The following POTEC variants were observed in gnomAD, a reference collection of about 807,000 sequenced individuals.
The protein encoded by POTEC is ANKRD26-like family B member 2.
A neutral mutation model predicts 62.0 loss-of-function variants in POTEC; 35 were observed. The ratio of observed to expected loss-of-function variants is 0.56; its 90% CI spans 0.43 to 0.75. POTEC has a LOEUF of 0.75. Ranked by LOEUF, POTEC falls within the 30% of genes least tolerant of loss-of-function variation. The pLI, the probability that POTEC is intolerant of heterozygous loss-of-function variation, is 0.00. For missense variants in POTEC, 472 were observed against 655.9 expected (o/e 0.72, Z 3.06); for synonymous variants, 156 against 221.5 (o/e 0.70, Z 2.62).
rs572317458 is a variant in POTEC, at chr18:14,533,130, A to G, written c.986T>C (p.Val329Ala). Residue 329 changes from valine (V) to alanine (A), a missense_variant, in exon 5 of 11, where the codon GTT becomes GCT. By Grantham distance (64) the Val-to-Ala change is moderately conservative. Around this residue, in one of 5 missense-constraint regions of POTEC, gnomAD observed 83 missense variants for 254.3 expected, o/e 0.33. Transcript: ENST00000358970. Reference sequence around the variant, plus strand: ...AGATAGATCTTGAGAAGATACATCAACATTTTGCTCAAGGAGAAGATTGAC... The same window carrying G: ...AGATAGATCTTGAGAAGATACATCAGCATTTTGCTCAAGGAGAAGATTGAC... ...SIVNLLLEQNVDVSSQDLSGQ... is the reference protein window; with the variant it reads ...SIVNLLLEQNADVSSQDLSGQ... 1.3e-5 allele frequency: 21 copies of G among 1,611,564 alleles called. No individual in the cohort carries two copies. The South Asian group carries it at 2.0e-4, about 15-fold the overall frequency.
At position 14,511,972 on chromosome 18, in the gene POTEC, C is replaced by G; in HGVS notation, c.1555G>C (p.Glu519Gln). The G allele has an allele frequency of 6.2e-7, 1 of 1,613,526 alleles. No individual in the cohort carries two copies. ...CTGTTTTCACGCAAGAGATCTTCTT[C>G]TTTCTTATGACTAAGAGAAAGCTAA... Reference protein sequence around the residue: ...NSELSLSHKKEEDLLRENSML... With the variant: ...NSELSLSHKKQEDLLRENSML... The change falls in exon 11 of 11, where the codon GAA becomes CAA. Residue 519 changes from glutamate to glutamine, a missense_variant. Physicochemically the swap from Glu to Gln is conservative, Grantham distance 29. Around this residue, in one of 5 missense-constraint regions of POTEC, gnomAD observed 67 missense variants for 58.3 expected, o/e 1.15. Coordinates refer to ENST00000358970, the MANE Select transcript of POTEC (RefSeq NM_001137671.2).
rs1317104174 is a variant in POTEC, at chr18:14,543,340, G to T, written c.-194C>A. Reference sequence around the variant, plus strand: ...GAAAACCCACACCCACCCGGGGAAAGCCCACGCCCACCAGGGGGACCCAAC... The same window carrying T: ...GAAAACCCACACCCACCCGGGGAAATCCCACGCCCACCAGGGGGACCCAAC... On this transcript the variant is annotated 5_prime_UTR_variant, in exon 1 of 11. Transcript: ENST00000358970. 34 of 985,146 alleles carry T rather than the reference G, an allele frequency of 3.5e-5. No individual in the cohort carries two copies. Among genetic ancestry groups the T allele is most frequent in the Non-Finnish European group, 4.3e-5 (29 of 678,948 alleles). 61.0% of individuals were successfully genotyped at this position (985,146 alleles called of 1,614,324 possible).
chr18:14,536,384 C>A lies in POTEC; in HGVS notation c.811-1377G>T, dbSNP rs866404384. On this transcript the variant is annotated intron_variant, in intron 3 of 10. Transcript: ENST00000358970. ...TTCAGTGGTTAAGCAGGAGTGTATC[C>A]GGATTTTGAGAAATTTGTTGTTGTT... 2.0e-5 allele frequency among the ~76,000 whole-genome samples: 3 copies of A among 151,288 alleles called. No individual in the cohort carries two copies. In the East Asian group the frequency reaches 5.9e-4, roughly 30 times the overall value.
intron 6 of POTEC, among the ~76,000 whole-genome samples, chr18:14,530,264 C>T (rs1009237913): frequency 4.6e-5 from 7 of 151,998 alleles, no homozygotes; most frequent in Admixed American, 2.6e-4. Flanking sequence ...AGAGTTTCCA[C>T]GGATTCTACA....
intron 1 of POTEC, among the ~76,000 whole-genome samples, chr18:14,539,463 G>T (rs2143168955): frequency 7.1e-6 from 1 of 140,458 alleles, no homozygotes; most frequent in African/African-American, 2.7e-5. Flanking sequence ...AGTGTATGTT[G>T]CTTCCCTCTA....
intron 1 of POTEC, among the ~76,000 whole-genome samples, chr18:14,540,816 A>T (rs948381083): frequency 1.3e-5 from 2 of 152,232 alleles, no homozygotes; most frequent in Non-Finnish European, 2.9e-5. Context: ...TAATATAAGT[A>T]CCACTGTTCT....
chr18:14,523,713 T>G (rs71244156), intron 7 of POTEC, among the ~76,000 whole-genome samples: 1 of 152,126 alleles, frequency 6.6e-6, no homozygotes, highest in Non-Finnish European at 1.5e-5. Context: ...TATGTTTAGC[T>G]ACTGCCACAT....
At chr18:14,519,130 G>A (rs1910244095) in intron 9 of POTEC, among the ~76,000 whole-genome samples, 1 of 152,096 alleles carries the variant, frequency 6.6e-6, no homozygotes, top group Non-Finnish European at 1.5e-5. Context: ...TTTACTGAGA[G>A]ATTAGATGTG....
intron 1 of POTEC, among the ~76,000 whole-genome samples, chr18:14,539,131 T>C (rs1157843308): frequency 6.6e-6 from 1 of 152,128 alleles, no homozygotes; most frequent in Non-Finnish European, 1.5e-5. Context: ...TTCAAATGAA[T>C]AGCATGGGCT....
chr18:14,535,129 C>T (rs1905668970), intron 3 of POTEC, 122 bp from the exon 4 acceptor site: 25 of 1,487,126 alleles, frequency 1.7e-5, no homozygotes, highest in Non-Finnish European at 2.1e-5. Flanking sequence ...ACTTCCTTCT[C>T]ACTCTTCTGT....
chr18:14,524,362 C>G (rs1002950314), intron 7 of POTEC, among the ~76,000 whole-genome samples: 1 of 152,112 alleles, frequency 6.6e-6, no homozygotes, highest in Admixed American at 6.6e-5. Flanking sequence ...TGTCTTTAAC[C>G]TTGGTATCAG....
chr18:14,531,497 T>C (rs191643892), intron 5 of POTEC, among the ~76,000 whole-genome samples: 23 of 152,232 alleles, frequency 1.5e-4, no homozygotes, highest in Non-Finnish European at 4.4e-5. Context: ...TACATACTTA[T>C]AATATATTTT....
intron 6 of POTEC, among the ~76,000 whole-genome samples, chr18:14,526,664 A>G (rs1199639884): frequency 4.6e-5 from 7 of 152,056 alleles, no homozygotes; most frequent in Admixed American, 6.6e-5. Flanking sequence ...CCTGCAATAG[A>G]AGGAGGAGTG....
At chr18:14,537,236 C>T in intron 3 of POTEC, among the ~76,000 whole-genome samples, 1 of 99,572 alleles carries the variant, frequency 1.0e-5, no homozygotes, top group Non-Finnish European at 2.0e-5. Flanking sequence ...CAAAAAAAAA[C>T]CTCTTCATGG....
intron 5 of POTEC, among the ~76,000 whole-genome samples, chr18:14,532,451 T>A (rs1451146194): frequency 1.3e-5 from 2 of 152,108 alleles, no homozygotes; most frequent in East Asian, 1.9e-4. Context: ...TGAATCCCCA[T>A]GAAGACTTGA....
chr18:14,526,661 TAGA>T lies in POTEC; in HGVS notation c.1127-1681_1127-1679del, dbSNP rs1567912609. Reference sequence around the variant, plus strand: ...AAAGAGTGAAAGTATTTGCCTGCAATAGAAGGAGGAGTGAGTAGGGCATTAAGA... The same window carrying T: ...AAAGAGTGAAAGTATTTGCCTGCAATAGGAGGAGTGAGTAGGGCATTAAGA... On this transcript the variant is annotated intron_variant, in intron 6 of 10. Coordinates refer to ENST00000358970, the MANE Select transcript of POTEC (RefSeq NM_001137671.2). Among the ~76,000 whole-genome samples the T allele has an allele frequency of 4.6e-5, 7 of 151,856 alleles. No homozygotes were observed. In the South Asian group the frequency reaches 1.5e-3, roughly 32 times the overall value.
chr18:14,538,996 G>A (rs1042194697), intron 1 of POTEC, among the ~76,000 whole-genome samples: 37 of 152,098 alleles, frequency 2.4e-4, no homozygotes, highest in Non-Finnish European at 4.3e-4. Flanking sequence ...CTAGCATTTA[G>A]ATAAATTTTA....
At chr18:14,525,939 G>T in intron 6 of POTEC, among the ~76,000 whole-genome samples, 1 of 151,638 alleles carries the variant, frequency 6.6e-6, no homozygotes, top group African/African-American at 2.4e-5. Context: ...GTCTTGCTCT[G>T]TCACCAGGCT....
chr18:14,530,382 T>A (rs976250355), intron 6 of POTEC, 101 bp downstream of exon 6: 2 of 1,562,228 alleles, frequency 1.3e-6, no homozygotes, highest in African/African-American at 2.7e-5. Context: ...ATCCCCACCT[T>A]CCCCCAGCCC....
Sources: gnomAD v4.1 joint callset for allele counts (sites outside exome capture counted in the v4.1 genomes callset) on GRCh38, gnomAD v4.1.1 for gene constraint, gnomAD v4.1.1 regional missense constraint, MANE v1.5 for transcripts, NCBI Gene and HGNC (gene_info 2026-07-23, HGNC 2026-07-21) for gene names.